DHRSX: variants seen among roughly 807,000 people sequenced by gnomAD.
The protein encoded by DHRSX is dehydrogenase/reductase X-linked.
Under a neutral mutation model 34.0 loss-of-function variants are expected in DHRSX, and 31 were observed. That is an observed-to-expected ratio of 0.91 (90% CI 0.69 to 1.23). The LOEUF (loss-of-function observed/expected upper bound fraction) is 1.23. Ranked by LOEUF, DHRSX falls within the 50% of genes most tolerant of loss-of-function variation. The pLI is 0.00. For missense variants in DHRSX, 414 were observed against 428.1 expected, an observed-to-expected ratio of 0.97 and a Z score of 0.29; for synonymous variants, 201 against 183.8, an observed-to-expected ratio of 1.09 and a Z score of -0.76.
chrX:2,437,692 AGAGAGAGTGTGT>A (rs1301689559), intron 1 of DHRSX, among the ~76,000 whole-genome samples: 5 of 79,608 alleles, frequency 6.3e-5, no homozygotes, highest in Admixed American at 1.5e-4. Context: ...AGAGAGAGAG[AGAGAGAGTGTGT>A]GTGTGTGTGT....
chrX:2,394,014 A>G (rs1464991976), intron 3 of DHRSX, among the ~76,000 whole-genome samples: 3 of 152,148 alleles, frequency 2.0e-5, no homozygotes. Flanking sequence ...AATTTTTCTG[A>G]TTTGCCCGAG....
chrX:2,238,711 G>A (rs1163985120), intron 6 of DHRSX, among the ~76,000 whole-genome samples: 1 of 151,142 alleles, frequency 6.6e-6, no homozygotes, highest in Non-Finnish European at 1.5e-5. Context: ...AGCCTCCCGA[G>A]TAGCTGGAAT....
intron 3 of DHRSX, among the ~76,000 whole-genome samples, chrX:2,353,368 G>T (rs1468691134): frequency 2.6e-5 from 4 of 151,776 alleles, no homozygotes; most frequent in African/African-American, 9.7e-5. Context: ...CATTTACCCC[G>T]AAATGAAGTT....
chrX:2,475,212 C>T (rs1200819557), intron 1 of DHRSX, among the ~76,000 whole-genome samples: 1 of 148,714 alleles, frequency 6.7e-6, no homozygotes, highest in African/African-American at 2.5e-5. Flanking sequence ...CCTAAGAATG[C>T]AGCTGGCACT....
At chrX:2,282,852 A>AGAG (rs2041742186) in intron 4 of DHRSX, among the ~76,000 whole-genome samples, 1 of 110,474 alleles carries the variant, frequency 9.1e-6, no homozygotes, top group Non-Finnish European at 1.8e-5. Flanking sequence ...GAGAGAGAGA[A>AGAG]GGGAGAAGGG....
chrX:2,359,430 C>A (rs1004195443), intron 3 of DHRSX, among the ~76,000 whole-genome samples: 2 of 152,148 alleles, frequency 1.3e-5, no homozygotes, highest in Non-Finnish European at 2.9e-5. Context: ...GTAATTCCAG[C>A]ACTTTGGGAG....
At chrX:2,401,903 G>C (rs768131207) in intron 3 of DHRSX, among the ~76,000 whole-genome samples, 15 of 152,290 alleles carry the variant, frequency 9.8e-5, no homozygotes, top group Admixed American at 3.3e-4. Flanking sequence ...GAAAACAATC[G>C]CGCATTTATA....
At chrX:2,327,978 G>A (rs2042408182) in intron 3 of DHRSX, among the ~76,000 whole-genome samples, 1 of 151,690 alleles carries the variant, frequency 6.6e-6, no homozygotes, top group Non-Finnish European at 1.5e-5. Flanking sequence ...TACTTGGGAG[G>A]CTGAGGCAGG....
chrX:2,425,161 A>C (rs763147604), intron 2 of DHRSX, 36 bp downstream of exon 2: 12 of 1,549,562 alleles, frequency 7.7e-6, no homozygotes, highest in Non-Finnish European at 1.1e-5. Context: ...AAAAACCGAA[A>C]AAACAAAAAA....
At chrX:2,492,154 C>T (rs1370611702) in intron 1 of DHRSX, among the ~76,000 whole-genome samples, 1 of 152,136 alleles carries the variant, frequency 6.6e-6, no homozygotes, top group Non-Finnish European at 1.5e-5. Context: ...TCTGTATCCA[C>T]CTGGTACTTG....
intron 3 of DHRSX, among the ~76,000 whole-genome samples, chrX:2,360,139 T>C (rs950239713): frequency 7.2e-5 from 11 of 152,010 alleles, no homozygotes; most frequent in Non-Finnish European, 1.6e-4. Context: ...TGATGAGGCA[T>C]GAAGCTTCCC....
intron 3 of DHRSX, among the ~76,000 whole-genome samples, chrX:2,326,556 C>T (rs2042388764): frequency 6.6e-6 from 1 of 151,992 alleles, no homozygotes; most frequent in Non-Finnish European, 1.5e-5. Context: ...CTTCTGGGGG[C>T]CCATCTTAGA....
At chrX:2,355,588 C>T (rs1196926355) in intron 3 of DHRSX, among the ~76,000 whole-genome samples, 1 of 145,656 alleles carries the variant, frequency 6.9e-6, no homozygotes, top group Non-Finnish European at 1.5e-5. Context: ...ATTACTTTTG[C>T]ACCAACCTAA....
intron 2 of DHRSX, among the ~76,000 whole-genome samples, chrX:2,419,174 G>T (rs1156673184): frequency 9.9e-5 from 15 of 152,120 alleles, no homozygotes; most frequent in Non-Finnish European, 1.6e-4. Flanking sequence ...GGAGGCGGAG[G>T]CTTTGCGGGA....
At chrX:2,276,747 GGA>G (rs373805018) in intron 4 of DHRSX, among the ~76,000 whole-genome samples, 1 of 148,644 alleles carries the variant, frequency 6.7e-6, no homozygotes, top group African/African-American at 2.4e-5. Context: ...GAGAGAGAGA[GGA>G]GAGAGAGAGG....
intron 1 of DHRSX, among the ~76,000 whole-genome samples, chrX:2,457,777 T>G (rs1441276556): frequency 6.7e-6 from 1 of 148,544 alleles, no homozygotes; most frequent in African/African-American, 2.5e-5. Context: ...TCCCTAAGCA[T>G]GTGGCCCAAG....
At chrX:2,282,478 G>C (rs932202688) in intron 4 of DHRSX, among the ~76,000 whole-genome samples, 1 of 147,344 alleles carries the variant, frequency 6.8e-6, no homozygotes, top group Non-Finnish European at 1.5e-5. Context: ...GAGAGAAGTG[G>C]GACACAGAGG....
chrX:2,333,826 A>G (rs892572027), intron 3 of DHRSX, among the ~76,000 whole-genome samples: 2 of 152,120 alleles, frequency 1.3e-5, no homozygotes, highest in East Asian at 1.9e-4. Context: ...ACTTCCAATT[A>G]TAAGTGAGAA....
At chrX:2,226,264 A>T (rs1006233427) in intron 6 of DHRSX, among the ~76,000 whole-genome samples, 1 of 152,094 alleles carries the variant, frequency 6.6e-6, no homozygotes, top group African/African-American at 2.4e-5. Flanking sequence ...CTGCTACCTC[A>T]AGAGTCAGGG....
Sources: allele counts gnomAD v4.1 joint callset (sites outside exome capture counted in the v4.1 genomes callset), GRCh38; gene constraint gnomAD v4.1.1; transcripts MANE v1.5; gene names NCBI Gene and HGNC (gene_info 2026-07-23, HGNC 2026-07-21).